Variants in FHIT observed in about 807,000 individuals in gnomAD.
FHIT encodes fragile histidine triad diadenosine triphosphatase, also known as bis(5'-adenosyl)-triphosphatase.
In FHIT, 19 loss-of-function variants were observed where a neutral mutation model predicts 17.9. That is an observed-to-expected ratio of 1.06 (90% CI 0.74 to 1.56). FHIT has a LOEUF of 1.56. Ranked by LOEUF, FHIT falls within the 40% of genes most tolerant of loss-of-function variation. FHIT has a pLI of 0.00. For synonymous variants in FHIT, 81 were observed against 69.7 expected (o/e 1.16, Z -0.81); for missense variants, 248 against 189.2 (o/e 1.31, Z -1.82).
At chr3:60,307,239 T>G (rs1708718624) in intron 5 of FHIT, among the ~76,000 whole-genome samples, 2 of 152,140 alleles carry the variant, frequency 1.3e-5, no homozygotes. Context: ...TCTTAACATC[T>G]ACAGAGAAGT....
At chr3:60,604,953 C>A (rs1402914386) in intron 4 of FHIT, among the ~76,000 whole-genome samples, 1 of 152,174 alleles carries the variant, frequency 6.6e-6, no homozygotes, top group East Asian at 1.9e-4. Context: ...TCCATTTTAA[C>A]ACAAGAGCTT....
intron 7 of FHIT, among the ~76,000 whole-genome samples, chr3:59,985,693 T>C (rs145785365): frequency 1.2e-4 from 19 of 152,248 alleles, no homozygotes; most frequent in African/African-American, 9.6e-5. Flanking sequence ...TCTGTGAGAA[T>C]TGGGATGAGT....
chr3:60,974,803 G>C (rs1486609361), intron 3 of FHIT, among the ~76,000 whole-genome samples: 1 of 152,126 alleles, frequency 6.6e-6, no homozygotes, highest in East Asian at 1.9e-4. Context: ...TACATTTACA[G>C]GATGCCCAAG....
chr3:60,623,936 C>A (rs1365149294), intron 4 of FHIT, among the ~76,000 whole-genome samples: 7 of 152,174 alleles, frequency 4.6e-5, no homozygotes, highest in African/African-American at 1.4e-4. Context: ...CTGTGCTATA[C>A]AACGAGTAAA....
intron 5 of FHIT, among the ~76,000 whole-genome samples, chr3:60,260,257 G>A (rs1272946357): frequency 6.6e-6 from 1 of 151,590 alleles, no homozygotes; most frequent in Non-Finnish European, 1.5e-5. Flanking sequence ...TAAGTATGAT[G>A]ACTGCAGCAA....
chr3:61,209,549 C>G (rs144276840), intron 1 of FHIT, among the ~76,000 whole-genome samples: 2 of 151,600 alleles, frequency 1.3e-5, no homozygotes, highest in South Asian at 4.2e-4. Flanking sequence ...CTTCTCTTCT[C>G]GCTTCATTTC....
At chr3:60,135,960 T>C (rs1280014750) in intron 5 of FHIT, among the ~76,000 whole-genome samples, 1 of 152,144 alleles carries the variant, frequency 6.6e-6, no homozygotes, top group Non-Finnish European at 1.5e-5. Context: ...TTATCCTGTA[T>C]GTGTTTTTAT....
chr3:60,777,017 A>G (rs1396514551), intron 4 of FHIT, among the ~76,000 whole-genome samples: 8 of 152,246 alleles, frequency 5.3e-5, no homozygotes, highest in Non-Finnish European at 8.8e-5. Context: ...GGTTTTCCTA[A>G]GGTGCTAATC....
chr3:60,628,093 G>T (rs1443841743), intron 4 of FHIT, among the ~76,000 whole-genome samples: 1 of 152,086 alleles, frequency 6.6e-6, no homozygotes, highest in Non-Finnish European at 1.5e-5. Flanking sequence ...TAAGCTATAT[G>T]TTTCCCTCAA....
At chr3:60,192,250 C>A (rs1176376082) in intron 5 of FHIT, among the ~76,000 whole-genome samples, 189 of 121,492 alleles carry the variant, frequency 1.6e-3, no homozygotes, top group East Asian at 2.6e-3. Flanking sequence ...CACTATGTCT[C>A]AAAAAAAAAA....
intron 4 of FHIT, among the ~76,000 whole-genome samples, chr3:60,799,160 C>G (rs1302433684): frequency 6.6e-6 from 1 of 151,962 alleles, no homozygotes; most frequent in Non-Finnish European, 1.5e-5. Context: ...AGATTAAATC[C>G]AAAGTCTTTT....
rs536626929 is a variant in FHIT at position 60,427,265 on chromosome 3, A to G, written c.103+109595T>C. On this transcript the variant is annotated intron_variant, in intron 5 of 9. Coordinates refer to ENST00000492590, the MANE Select transcript of FHIT (RefSeq NM_002012.4). ...TAGGAGCTGAGAATGAACGCTGCGC[A>G]GTAGCCGAAAGATAATGGGTGCCCC... 7.9e-5 allele frequency among the ~76,000 whole-genome samples: 12 copies of G among 152,254 alleles called. No individual in the cohort carries two copies. In the East Asian group the frequency reaches 2.3e-3, roughly 30 times the overall value.
Position 59,800,946 on chromosome 3 carries a change from A to C in FHIT, c.349-48625T>G, listed in dbSNP as rs892321664. 2.6e-5 allele frequency among the ~76,000 whole-genome samples: 4 copies of C among 152,204 alleles called. No individual in the cohort carries two copies. The East Asian group carries it at 7.7e-4, about 29-fold the overall frequency. On this transcript the variant is annotated intron_variant, in intron 8 of 9. Transcript: ENST00000492590. ...TTTTTATCAGCTCGTGAAATTCCCA[A>C]GGATCCTGATCATCTCCCCCTTCCC...
chr3:60,359,002 G>A (rs1021634071), intron 5 of FHIT, among the ~76,000 whole-genome samples: 1 of 152,124 alleles, frequency 6.6e-6, no homozygotes, highest in African/African-American at 2.4e-5. Flanking sequence ...TCAAGCAACA[G>A]GACATAAAAC....
chr3:60,520,370 T>C (rs2035312507), intron 5 of FHIT, among the ~76,000 whole-genome samples: 1 of 152,170 alleles, frequency 6.6e-6, no homozygotes, highest in Non-Finnish European at 1.5e-5. Context: ...CTTTTCTCCA[T>C]AACATTTCAG....
At chr3:60,953,029 A>T (rs1213267394) in intron 3 of FHIT, among the ~76,000 whole-genome samples, 4 of 152,142 alleles carry the variant, frequency 2.6e-5, no homozygotes, top group Non-Finnish European at 4.4e-5. Context: ...TGAAAAGAAA[A>T]CCCTAAAAGA....
chr3:59,879,259 CA>C (rs1266015058), intron 8 of FHIT, among the ~76,000 whole-genome samples: 2 of 152,140 alleles, frequency 1.3e-5, no homozygotes, highest in African/African-American at 4.8e-5. Context: ...GCCATCTGAT[CA>C]AAATGTTAAC....
intron 5 of FHIT, among the ~76,000 whole-genome samples, chr3:60,085,901 G>A (rs1196593447): frequency 6.6e-6 from 1 of 152,146 alleles, no homozygotes; most frequent in African/African-American, 2.4e-5. Context: ...CTCCTCCTGT[G>A]AGATTTTGCA....
At chr3:59,930,714 A>T (rs1280553113) in intron 7 of FHIT, among the ~76,000 whole-genome samples, 1 of 152,240 alleles carries the variant, frequency 6.6e-6, no homozygotes, top group Admixed American at 6.5e-5. Context: ...TACTAGGATT[A>T]GAATTAGGAA....
Sources: allele counts gnomAD v4.1 joint callset (sites outside exome capture counted in the v4.1 genomes callset), GRCh38; gene constraint gnomAD v4.1.1; transcripts MANE v1.5; gene names NCBI Gene and HGNC (gene_info 2026-07-23, HGNC 2026-07-21).